The following KLHL8 variants were observed in gnomAD, a reference collection of about 807,000 sequenced individuals.
KLHL8 encodes the protein kelch like family member 8, also known as kelch-like protein 8.
Under a neutral mutation model 63.5 loss-of-function variants are expected in KLHL8, and 38 were observed. The observed-to-expected ratio is 0.60, with a 90% CI of 0.46 to 0.78. KLHL8 has a LOEUF of 0.78. Ranked by LOEUF, KLHL8 falls within the 30% of genes least tolerant of loss-of-function variation. The pLI is 0.00. For missense variants in KLHL8, 566 were observed against 752.4 expected, an observed-to-expected ratio of 0.75 and a Z score of 2.90; for synonymous variants, 224 against 254.3, an observed-to-expected ratio of 0.88 and a Z score of 1.13.
At chr4:87,174,140 T>C (rs1310042024) in intron 6 of KLHL8, among the ~76,000 whole-genome samples, 1 of 152,164 alleles carries the variant, frequency 6.6e-6, no homozygotes, top group East Asian at 1.9e-4. Context: ...TAAGCCACAA[T>C]GTCTCAGGTA....
intron 1 of KLHL8, among the ~76,000 whole-genome samples, chr4:87,230,639 G>A (rs1448866330): frequency 6.6e-6 from 1 of 152,164 alleles, no homozygotes; most frequent in African/African-American, 2.4e-5. Context: ...ACACTTAAAT[G>A]TTTCATGTGT....
intron 6 of KLHL8, among the ~76,000 whole-genome samples, chr4:87,175,382 T>G (rs1730783644): frequency 6.6e-6 from 1 of 152,176 alleles, no homozygotes; most frequent in Non-Finnish European, 1.5e-5. Context: ...TCCTTTTTTT[T>G]AAGAGCTGTG....
intron 6 of KLHL8, among the ~76,000 whole-genome samples, chr4:87,171,114 C>T (rs1023498054): frequency 6.6e-6 from 1 of 151,900 alleles, no homozygotes; most frequent in African/African-American, 2.4e-5. Flanking sequence ...ATTTCTGAAG[C>T]GTATTTATTT....
intron 1 of KLHL8, among the ~76,000 whole-genome samples, chr4:87,204,435 C>T (rs571937795): frequency 4.6e-5 from 7 of 151,632 alleles, no homozygotes; most frequent in African/African-American, 1.4e-4. Context: ...TATTCTTATA[C>T]TATGACCCAG....
chr4:87,195,400 T>C lies in KLHL8; in HGVS notation c.140A>G (p.Asn47Ser), dbSNP rs1327797486. ...ACCATGAAAATCTTTCCAAGCTTCA[T>C]TTGCTTCAAAAATAAAGGAATCTTC... ...DGEDSFIFEANEAWKDFHGSL... is the reference protein window; with the variant it reads ...DGEDSFIFEASEAWKDFHGSL... The change falls in exon 2 of 10, where the codon AAT (asparagine) becomes AGT (serine). Residue 47 changes from asparagine to serine, a missense_variant. Asn to Ser is a conservative substitution (Grantham distance 46). Transcript: ENST00000273963. 1 of 1,613,704 alleles carries C rather than the reference T, an allele frequency of 6.2e-7. No individual in the cohort carries two copies. Among genetic ancestry groups the C allele is most frequent in the Non-Finnish European group, 8.5e-7 (1 of 1,179,932 alleles).
intron 2 of KLHL8, among the ~76,000 whole-genome samples, chr4:87,190,894 A>C (rs2110005189): frequency 6.6e-6 from 1 of 152,176 alleles, no homozygotes. Context: ...TTTTCTTTTT[A>C]ATGTCTAAAT....
intron 8 of KLHL8, among the ~76,000 whole-genome samples, chr4:87,168,883 T>C (rs1353262336): frequency 6.6e-6 from 1 of 151,098 alleles, no homozygotes; most frequent in African/African-American, 2.4e-5. Flanking sequence ...CTTGATCTTG[T>C]TAGCAATGCC....
Position 87,170,481 on chromosome 4 carries a change from G to A in KLHL8, c.1343C>T (p.Thr448Ile). The change falls in exon 7 of 10, where the codon ACT (threonine) becomes ATT (isoleucine). Residue 448 changes from threonine (T) to isoleucine (I), a missense_variant. By Grantham distance (89) the Thr-to-Ile change is moderately conservative (BLOSUM62 -1). Coordinates refer to ENST00000273963, the MANE Select transcript of KLHL8 (RefSeq NM_020803.5). ...AACAGAGCCAACTCCTCCACGGGGA[G>A]TATTCATTGGTGCCACTGTACTCCA... The part of the protein sequence containing the change: ...DQWSTVAPMN[T>I]PRGGVGSVAL... 1 of 1,610,854 alleles carries A rather than the reference G, an allele frequency of 6.2e-7. No homozygotes were observed. Among genetic ancestry groups the A allele is most frequent in the South Asian group, 1.1e-5 (1 of 89,934 alleles).
intron 8 of KLHL8, chr4:87,167,539 A>T: frequency 1.8e-6 from 1 of 541,696 alleles, no homozygotes; most frequent in Non-Finnish European, 3.7e-6. Context: ...CAGAACTCGA[A>T]TGGCCTTGTC....
chr4:87,227,029 AT>A, intron 1 of KLHL8, among the ~76,000 whole-genome samples: 1 of 116,628 alleles, frequency 8.6e-6, no homozygotes, highest in African/African-American at 3.3e-5. Flanking sequence ...TATATATTAT[AT>A]TTCCTTTCTG....
chr4:87,218,788 G>C (rs1732701686), intron 1 of KLHL8, among the ~76,000 whole-genome samples: 1 of 152,026 alleles, frequency 6.6e-6, no homozygotes, highest in African/African-American at 2.4e-5. Flanking sequence ...AGGCTGGAGC[G>C]CAGTGGCATG....
At chr4:87,200,922 A>C (rs1731896587) in intron 1 of KLHL8, among the ~76,000 whole-genome samples, 1 of 152,244 alleles carries the variant, frequency 6.6e-6, no homozygotes, top group South Asian at 2.1e-4. Context: ...GAAAAAGAAA[A>C]TGTGATTTAT....
intron 2 of KLHL8, among the ~76,000 whole-genome samples, chr4:87,194,668 A>T (rs1731626640): frequency 6.6e-6 from 1 of 152,234 alleles, no homozygotes; most frequent in African/African-American, 2.4e-5. Flanking sequence ...GTGTAATGAG[A>T]AACAATCAAC....
intron 2 of KLHL8, among the ~76,000 whole-genome samples, chr4:87,189,353 C>G (rs1273201354): frequency 6.6e-6 from 1 of 152,154 alleles, no homozygotes; most frequent in Non-Finnish European, 1.5e-5. Context: ...TAACAGTACT[C>G]AGGGAAAAAT....
intron 8 of KLHL8, chr4:87,166,834 T>C (rs1436050566): frequency 1.3e-5 from 2 of 158,474 alleles, no homozygotes; most frequent in African/African-American, 4.8e-5. Context: ...CCCCAAGTGG[T>C]GTGCATTCGT....
At chr4:87,191,051 TTAG>T (rs1731465082) in intron 2 of KLHL8, among the ~76,000 whole-genome samples, 1 of 152,206 alleles carries the variant, frequency 6.6e-6, no homozygotes, top group African/African-American at 2.4e-5. Flanking sequence ...TAAAGATGGC[TTAG>T]GTTTCTACAT....
At chr4:87,173,119 C>T (rs964514478) in intron 6 of KLHL8, among the ~76,000 whole-genome samples, 2 of 152,034 alleles carry the variant, frequency 1.3e-5, no homozygotes, top group Admixed American at 6.6e-5. Context: ...TTTTTGAAGG[C>T]TCTTCATCTC....
At chr4:87,165,149 CA>C (rs71660120) in intron 8 of KLHL8, among the ~76,000 whole-genome samples, 143 of 34,128 alleles carry the variant, frequency 4.2e-3, no homozygotes, top group Middle Eastern at 0.014. Flanking sequence ...GACTCTGTCT[CA>C]AAAAAAAAAA....
chr4:87,235,431 C>T (rs1213721681), intron 1 of KLHL8, among the ~76,000 whole-genome samples: 1 of 152,122 alleles, frequency 6.6e-6, no homozygotes, highest in Non-Finnish European at 1.5e-5. Context: ...GTGTAGTAGG[C>T]TATACCATCT....
Sources: allele counts gnomAD v4.1 joint callset (sites outside exome capture counted in the v4.1 genomes callset), GRCh38; gene constraint gnomAD v4.1.1; transcripts MANE v1.5; gene names NCBI Gene and HGNC (gene_info 2026-07-23, HGNC 2026-07-21).